SARS2: variants seen among roughly 807,000 people sequenced by gnomAD.
SARS2 encodes seryl-tRNA synthetase 2, mitochondrial.
A neutral mutation model predicts 66.8 loss-of-function variants in SARS2; 52 were observed. That is an observed-to-expected ratio of 0.78 (90% CI 0.62 to 0.98). The LOEUF (loss-of-function observed/expected upper bound fraction) is 0.98. SARS2 is among the 50% of genes least tolerant of loss of function. SARS2 has a pLI of 0.00. For synonymous variants in SARS2, 306 were observed against 281.4 expected (o/e 1.09, Z -0.87); for missense variants, 673 against 706.3 (o/e 0.95, Z 0.53).
chr19:38,924,356 T>C (rs1191935248), intron 2 of SARS2, among the ~76,000 whole-genome samples: 1 of 152,210 alleles, frequency 6.6e-6, no homozygotes, highest in African/African-American at 2.4e-5. Context: ...CTGCCCCCTC[T>C]GAGCCTCAGT....
chr19:38,916,017 G>A lies in SARS2; in HGVS notation c.1347+20C>T. The A allele has an allele frequency of 1.2e-6, 2 of 1,612,956 alleles. No homozygotes were observed. Among genetic ancestry groups the A allele is most frequent in the South Asian group, 2.2e-5 (2 of 91,062 alleles). On this transcript the variant is annotated intron_variant, in intron 14 of 15. Transcript: ENST00000221431. ...GGCTGCGGGCGAGGGCACGCGGGCAGGAGGCTGTGCGGGCCTCACCGTGTG... is the reference window on the plus strand; with the variant it reads ...GGCTGCGGGCGAGGGCACGCGGGCAAGAGGCTGTGCGGGCCTCACCGTGTG...
intron 8 of SARS2, 54 bp downstream of exon 8, chr19:38,918,712 C>A: frequency 1.3e-6 from 2 of 1,546,890 alleles, no homozygotes; most frequent in Non-Finnish European, 1.8e-6. Flanking sequence ...CTCGGGCACC[C>A]ACGGCAGGGC....
Position 38,922,258 on chromosome 19 carries a change from C to T in SARS2, c.373G>A (p.Asp125Asn), listed in dbSNP as rs771968331. The T allele has an allele frequency of 8.7e-6, 14 of 1,614,004 alleles. No individual in the cohort carries two copies. Among genetic ancestry groups the T allele is most frequent in the Non-Finnish European group, 3.4e-6 (4 of 1,180,032 alleles). ...EAVRALLANQ[D>N]SGEVQQDPKY... is the part of the protein sequence containing the mutation. Reference sequence around the variant, plus strand: ...AGTACCTGCTGCACTTCACCACTGTCCTGGTTTGCCTGGTAGAAAAGAGAC... The same window carrying T: ...AGTACCTGCTGCACTTCACCACTGTTCTGGTTTGCCTGGTAGAAAAGAGAC... The change falls in exon 3 of 16, where the codon GAC becomes AAC. Residue 125 changes from aspartate (D) to asparagine (N), a missense_variant. By Grantham distance (23) the Asp-to-Asn change is conservative (BLOSUM62 1). Coordinates refer to ENST00000221431, the MANE Select transcript of SARS2 (RefSeq NM_017827.4).
intron 1 of SARS2, 36 bp from the exon 2 acceptor site, chr19:38,926,336 C>T: frequency 2.5e-6 from 4 of 1,582,630 alleles, no homozygotes; most frequent in Middle Eastern, 1.7e-4. Context: ...GATGAAGCAG[C>T]CATCACCCCT....
rs59946162 is a variant in SARS2, at chr19:38,922,116, AT to A, written c.393+121del. The A allele has an allele frequency of 8.1e-4, 1,203 of 1,480,538 alleles. 1 individual carries two copies. Among genetic ancestry groups the A allele is most frequent in the Middle Eastern group, 1.2e-3 (7 of 5,664 alleles). The allele number at this position is 1,480,538 out of a possible 1,614,324, so 91.7% of individuals were successfully genotyped here. Reference sequence around the variant, plus strand: ...TTAGTTTCATGCATCAATAGAGCCTATTTTTTTTTTCCCCTTAAACCTGTTT... The same window carrying A: ...TTAGTTTCATGCATCAATAGAGCCTATTTTTTTTTCCCCTTAAACCTGTTT... On this transcript the variant is annotated intron_variant, in intron 3 of 15. Transcript: ENST00000221431.
At position 38,915,272 on chromosome 19, in the gene SARS2, C is replaced by G; in HGVS notation, c.*334G>C. 2.0e-6 allele frequency: 1 copy of G among 502,278 alleles called. No individual in the cohort carries two copies. Among genetic ancestry groups the G allele is most frequent in the South Asian group, 3.9e-5 (1 of 25,566 alleles). The allele number at this position is 502,278 out of a possible 1,614,324, so 31.1% of individuals were successfully genotyped here. On this transcript the variant is annotated 3_prime_UTR_variant, in exon 16 of 16. Transcript: ENST00000221431. ...TCACAGATCCACAGAGGCCTTTGTC[C>G]TGACCATTTATTGGGGACTTTTTGC...
In SARS2 at chr19:38,917,847, C is replaced by T. The variant is rs1402687958; in HGVS notation, c.1051-14G>A. ...AAACATCTCCACCTGGGACAGAGGG[C>T]ACAGGAGTCAGGAGGCTCTGAGCTC... On this transcript the variant is annotated splice_polypyrimidine_tract_variant and intron_variant, in intron 11 of 15. Transcript: ENST00000221431. The T allele has an allele frequency of 1.2e-6, 2 of 1,613,720 alleles. No individual in the cohort carries two copies. Among genetic ancestry groups the T allele is most frequent in the Admixed American group, 1.7e-5 (1 of 60,030 alleles).
chr19:38,930,516 A>C lies in SARS2; in HGVS notation c.221T>G (p.Leu74Arg). ...CACPEEAAHA[L>R]ELRKGELRSA... ...GCGCAGCTCCCCCTTGCGGAGCTCC[A>C]GGGCGTGTGCGGCCTCTTCTGGGCA... is the stretch of plus-strand genomic sequence containing the variant. Residue 74 changes from leucine to arginine, a missense_variant, in exon 1 of 16, where the codon CTG becomes CGG. Transcript: ENST00000221431. 6.2e-7 allele frequency: 1 copy of C among 1,612,616 alleles called. No individual in the cohort carries two copies. The highest frequency in any genetic ancestry group is 8.5e-7 in the Non-Finnish European group (1 of 1,179,654).
chr19:38,922,197 C>T, intron 3 of SARS2, 41 bp downstream of exon 3: 1 of 1,611,666 alleles, frequency 6.2e-7, no homozygotes. Flanking sequence ...TCCTCCCTGC[C>T]CACCCCCAAC....
At chr19:38,929,019 C>T (rs1974678743) in intron 1 of SARS2, among the ~76,000 whole-genome samples, 1 of 151,966 alleles carries the variant, frequency 6.6e-6, no homozygotes, top group South Asian at 2.1e-4. Context: ...GAGTTCGAGA[C>T]CAGCCTGGCC....
intron 8 of SARS2, 31 bp from the exon 9 acceptor site, chr19:38,918,561 G>C (rs1974462709): frequency 6.4e-7 from 1 of 1,552,010 alleles, no homozygotes; most frequent in South Asian, 1.1e-5. Context: ...ACAGGGATCA[G>C]GGGACAGGTA....
At chr19:38,930,334 G>A in intron 1 of SARS2, 136 bp downstream of exon 1, 1 of 1,165,630 alleles carries the variant, frequency 8.6e-7, no homozygotes, top group Non-Finnish European at 1.2e-6. Flanking sequence ...TGGGTGCCAT[G>A]CACAAGACGT....
intron 12 of SARS2, among the ~76,000 whole-genome samples, chr19:38,916,850 A>G (rs903783453): frequency 2.0e-5 from 3 of 151,120 alleles, no homozygotes; most frequent in African/African-American, 7.3e-5. Context: ...TTTAGTATAG[A>G]TGGGGTTTCA....
At chr19:38,918,366 C>T in intron 9 of SARS2, 56 bp downstream of exon 9, 3 of 1,512,312 alleles carry the variant, frequency 2.0e-6, no homozygotes, top group South Asian at 1.1e-5. Flanking sequence ...CTGGACGCTC[C>T]CAGTTGTCCT....
At position 38,922,281 on chromosome 19, in the gene SARS2, G is replaced by A. The variant is rs150151686; in HGVS notation, c.364-14C>T. 6.8e-4 allele frequency: 1,101 copies of A among 1,613,964 alleles called. 7 individuals carry two copies. In the African/African-American group the frequency reaches 0.014, roughly 20 times the overall value. ...GTCCTGGTTTGCCTGGTAGAAAAGA[G>A]ACAGGGTGGGTGATTAGGTTGACAA... On this transcript the variant is annotated splice_polypyrimidine_tract_variant and intron_variant, in intron 2 of 15. Coordinates refer to ENST00000221431, the MANE Select transcript of SARS2 (RefSeq NM_017827.4).
chr19:38,922,907 C>CT (rs151060566), intron 2 of SARS2, among the ~76,000 whole-genome samples: 37,011 of 143,334 alleles, frequency 0.26, 5,271 homozygotes, highest in East Asian at 0.44. Flanking sequence ...CTCAGGTATT[C>CT]TTTTTTTTTT....
rs368137091 is a variant in SARS2, at chr19:38,927,173, C to T, written c.268-873G>A. Among the ~76,000 whole-genome samples, 71 of 152,052 alleles carry T rather than the reference C, an allele frequency of 4.7e-4. 1 individual carries two copies. Among genetic ancestry groups the T allele is most frequent in the East Asian group, 3.9e-4 (2 of 5,130 alleles). On this transcript the variant is annotated intron_variant, in intron 1 of 15. Transcript: ENST00000221431. ...GGCTGGTCTGGAATTCCCGGCCTCA[C>T]GCAATCTGCCTGCCTTGGCCTCCCA...
At position 38,918,454 on chromosome 19, in the gene SARS2, T is replaced by C; in HGVS notation, c.884A>G (p.Asn295Ser). Residue 295 changes from asparagine (N) to serine (S), a missense_variant, in exon 9 of 16, where the codon AAC becomes AGC. Transcript: ENST00000221431. ...CCCCACCTCCGCTGTTCCAGCCAGGTTGAGATCTTTGAAGCGGGCAGGGTC... is the reference window on the plus strand; with the variant it reads ...CCCCACCTCCGCTGTTCCAGCCAGGCTGAGATCTTTGAAGCGGGCAGGGTC... The part of the protein sequence containing the change: ...NIDPARFKDL[N>S]LAGTAEVGLA... 2 of 1,613,966 alleles carry C rather than the reference T, an allele frequency of 1.2e-6. No individual in the cohort carries two copies. Among genetic ancestry groups the C allele is most frequent in the Non-Finnish European group, 1.7e-6 (2 of 1,179,844 alleles).
Position 38,915,613 on chromosome 19 carries a change from A to T in SARS2, c.1550T>A (p.Val517Glu), listed in dbSNP as rs756746675. The stretch of plus-strand genomic sequence containing the variant: ...GCTGCTGTGGGTGGGTTCTTAGCTT[A>T]CAGCAGGCTGGCCAGGCAGCCCAGG... Reference protein sequence around the residue: ...RKPGLPGQPAVS With the variant: ...RKPGLPGQPAES The change falls in exon 16 of 16, where the codon GTA becomes GAA. Residue 517 changes from valine (V) to glutamate (E), a missense_variant. By Grantham distance (121) the Val-to-Glu change is moderately radical (BLOSUM62 -2). Transcript: ENST00000221431. 12 of 1,612,110 alleles carry T rather than the reference A, an allele frequency of 7.4e-6. No individual in the cohort carries two copies. In the East Asian group the frequency reaches 2.5e-4, roughly 33 times the overall value.
Sources: gnomAD v4.1 joint callset for allele counts (sites outside exome capture counted in the v4.1 genomes callset) on GRCh38, gnomAD v4.1.1 for gene constraint, MANE v1.5 for transcripts, NCBI Gene and HGNC (gene_info 2026-07-23, HGNC 2026-07-21) for gene names.